CAP2: variants seen among roughly 807,000 people sequenced by gnomAD.
CAP2 encodes the protein adenylyl cyclase-associated protein 2.
CAP2 carries 24 observed loss-of-function variants against 57.7 expected under a neutral mutation model. That is an observed-to-expected ratio of 0.42 (90% CI 0.30 to 0.58). CAP2 has a LOEUF of 0.58. CAP2 is among the 20% of genes least tolerant of loss of function. The pLI, the probability that CAP2 is intolerant of heterozygous loss-of-function variation, is 0.22. For missense variants in CAP2, 501 were observed against 590.3 expected (o/e 0.85, Z 1.57); for synonymous variants, 194 against 207.2 (o/e 0.94, Z 0.55).
chr6:17,539,531 GC>G, intron 8 of CAP2, 73 bp downstream of exon 8: 2 of 1,176,880 alleles, frequency 1.7e-6, no homozygotes, highest in Non-Finnish European at 2.4e-6. Context: ...AGCCGCTGGA[GC>G]CCCAGTGATG....
At chr6:17,438,104 AG>A (rs1759951016) in intron 3 of CAP2, among the ~76,000 whole-genome samples, 1 of 146,928 alleles carries the variant, frequency 6.8e-6, no homozygotes, top group Non-Finnish European at 1.5e-5. Context: ...GTGGTGGCTC[AG>A]GCCTGTAATC....
At chr6:17,401,429 A>G (rs1324244712) in intron 1 of CAP2, among the ~76,000 whole-genome samples, 2 of 152,236 alleles carry the variant, frequency 1.3e-5, no homozygotes, top group African/African-American at 2.4e-5. Flanking sequence ...AGAAACTAAC[A>G]TAGTAACCTG....
At chr6:17,455,574 C>T (rs1349291289) in intron 3 of CAP2, among the ~76,000 whole-genome samples, 21 of 151,046 alleles carry the variant, frequency 1.4e-4, no homozygotes, top group African/African-American at 2.7e-4. Flanking sequence ...CTCGCTCTGT[C>T]GCCCAGGCTG....
chr6:17,421,600 C>G lies in CAP2; in HGVS notation c.45C>G (p.Val15=). 6.2e-7 allele frequency: 1 copy of G among 1,614,130 alleles called. No individual in the cohort carries two copies. The change falls in exon 2 of 13, where the codon GTC becomes GTG. Residue 15 remains valine (V), a synonymous_variant. Transcript: ENST00000229922. ...QGLVERLERA[V]SRLESLSAES... The stretch of plus-strand genomic sequence containing the variant: ...TGGTGGAAAGACTGGAACGAGCTGT[C>G]AGCCGCCTGGAGTCGCTGTCTGCAG...
intron 11 of CAP2, among the ~76,000 whole-genome samples, chr6:17,547,316 C>G (rs1404694517): frequency 6.6e-6 from 1 of 152,068 alleles, no homozygotes; most frequent in Non-Finnish European, 1.5e-5. Flanking sequence ...ATAGATATAT[C>G]TATATCTGAT....
At chr6:17,540,100 A>T (rs1444420847) in intron 8 of CAP2, among the ~76,000 whole-genome samples, 1 of 152,128 alleles carries the variant, frequency 6.6e-6, no homozygotes, top group Non-Finnish European at 1.5e-5. Context: ...TAAAAGTGGC[A>T]AACATTAGCT....
At chr6:17,511,165 T>C (rs557628484) in intron 6 of CAP2, among the ~76,000 whole-genome samples, 21 of 152,278 alleles carry the variant, frequency 1.4e-4, no homozygotes, top group Non-Finnish European at 8.8e-5. Context: ...TTCGTTTTAC[T>C]GCTAGGAGTA....
At chr6:17,523,702 T>C (rs1310031813) in intron 7 of CAP2, among the ~76,000 whole-genome samples, 1 of 152,150 alleles carries the variant, frequency 6.6e-6, no homozygotes, top group Admixed American at 6.5e-5. Flanking sequence ...TGAATAAGGA[T>C]TGGACAAAGG....
chr6:17,441,214 T>C (rs1328392699), intron 3 of CAP2, among the ~76,000 whole-genome samples: 1 of 151,470 alleles, frequency 6.6e-6, no homozygotes, highest in Non-Finnish European at 1.5e-5. Flanking sequence ...TATATCGAAG[T>C]GACCATTCTA....
At position 17,472,313 on chromosome 6, in the gene CAP2, G is replaced by A. The variant is rs374689415; in HGVS notation, c.300+9240G>A. Among the ~76,000 whole-genome samples the A allele has an allele frequency of 1.4e-4, 3 of 21,818 alleles. 1 individual carries two copies. The highest frequency in any genetic ancestry group is 1.5e-4 in the Non-Finnish European group (2 of 13,612). The allele number at this position is 21,818 out of a possible 152,430, so 14.3% of individuals were successfully genotyped here. A position where few individuals can be genotyped will look rare whatever the true frequency, so the allele number is the denominator to read the frequency against. ...CCCGCCACTGCACTCCAGCCTGGGCGACAGAGCGAGACTCCGTCTCAAAAA... is the reference window on the plus strand; with the variant it reads ...CCCGCCACTGCACTCCAGCCTGGGCAACAGAGCGAGACTCCGTCTCAAAAA... On this transcript the variant is annotated intron_variant, in intron 4 of 12. Coordinates refer to ENST00000229922, the MANE Select transcript of CAP2 (RefSeq NM_006366.3).
In CAP2 at chr6:17,509,536, G is replaced by A. The variant is rs181405869; in HGVS notation, c.530+1810G>A. On this transcript the variant is annotated intron_variant, in intron 6 of 12. Coordinates refer to ENST00000229922, the MANE Select transcript of CAP2 (RefSeq NM_006366.3). Reference sequence around the variant, plus strand: ...CTACTAAAAATACAAAAAGCCGAGCGTGGTGGTGGGCACCTGTAATCCCAG... The same window carrying A: ...CTACTAAAAATACAAAAAGCCGAGCATGGTGGTGGGCACCTGTAATCCCAG... 5.0e-3 allele frequency among the ~76,000 whole-genome samples: 766 copies of A among 152,116 alleles called. 8 individuals carry two copies. Among genetic ancestry groups the A allele is most frequent in the African/African-American group, 0.017 (710 of 41,512 alleles).
At chr6:17,492,408 G>T (rs1761566182) in intron 4 of CAP2, among the ~76,000 whole-genome samples, 1 of 152,202 alleles carries the variant, frequency 6.6e-6, no homozygotes, top group Admixed American at 6.5e-5. Flanking sequence ...GGGTCTAGCA[G>T]GAACATGGAA....
Position 17,556,664 on chromosome 6 carries a change from A to G in CAP2, c.*222A>G, listed in dbSNP as rs1184612859. ...CCTTTGTGTGTGATTTTAGTTCCAC[A>G]TGATGACTTGTGAACATTAGGGATT... is the stretch of plus-strand genomic sequence containing the variant. On this transcript the variant is annotated 3_prime_UTR_variant, in exon 13 of 13. Transcript: ENST00000229922. 10 of 526,148 alleles carry G rather than the reference A, an allele frequency of 1.9e-5. No homozygotes were observed. The highest frequency in any genetic ancestry group is 3.4e-5 in the Non-Finnish European group (10 of 294,702). The allele number at this position is 526,148 out of a possible 1,614,324, so 32.6% of individuals were successfully genotyped here. A position where few individuals can be genotyped will look rare whatever the true frequency, so the allele number is the denominator to read the frequency against.
intron 3 of CAP2, among the ~76,000 whole-genome samples, chr6:17,462,033 CA>C (rs1760744117): frequency 1.1e-5 from 1 of 90,274 alleles, no homozygotes; most frequent in African/African-American, 3.3e-5. Context: ...ATTAACATAA[CA>C]AAAAAAGAAA....
At chr6:17,500,613 G>T (rs570509453) in intron 4 of CAP2, among the ~76,000 whole-genome samples, 1 of 151,914 alleles carries the variant, frequency 6.6e-6, no homozygotes, top group East Asian at 1.9e-4. Context: ...CTGATTGGAA[G>T]GAGGTTTAAT....
chr6:17,405,767 G>T (rs890302627), intron 1 of CAP2, among the ~76,000 whole-genome samples: 1 of 151,882 alleles, frequency 6.6e-6, no homozygotes, highest in Non-Finnish European at 1.5e-5. Flanking sequence ...TTGAAACAGG[G>T]TCTCACTCTG....
chr6:17,400,971 G>C (rs902602877), intron 1 of CAP2, among the ~76,000 whole-genome samples: 2 of 152,106 alleles, frequency 1.3e-5, no homozygotes, highest in African/African-American at 4.8e-5. Context: ...GAGATGATCA[G>C]ATTTTTCAGA....
intron 4 of CAP2, among the ~76,000 whole-genome samples, chr6:17,501,337 T>A (rs1561806677): frequency 6.6e-6 from 1 of 152,138 alleles, no homozygotes; most frequent in Non-Finnish European, 1.5e-5. Context: ...GGAAAAAAAA[T>A]GAACACCAAC....
intron 4 of CAP2, among the ~76,000 whole-genome samples, chr6:17,505,513 C>CT (rs1187166010): frequency 6.6e-6 from 1 of 152,198 alleles, no homozygotes; most frequent in Non-Finnish European, 1.5e-5. Context: ...GAACCCAGGC[C>CT]TTAGTGGTTT....
Sources: gnomAD v4.1 joint callset for allele counts (sites outside exome capture counted in the v4.1 genomes callset) on GRCh38, gnomAD v4.1.1 for gene constraint, MANE v1.5 for transcripts, NCBI Gene and HGNC (gene_info 2026-07-23, HGNC 2026-07-21) for gene names.